PRKCH: variants seen among roughly 807,000 people sequenced by gnomAD.
The protein encoded by PRKCH is protein kinase C eta, also known as protein kinase C eta type.
Under a neutral mutation model 82.5 loss-of-function variants are expected in PRKCH, and 28 were observed. The observed-to-expected ratio is 0.34, with a 90% CI of 0.25 to 0.47. The LOEUF is 0.47. PRKCH is among the 20% of genes least tolerant of loss of function. PRKCH has a pLI of 1.00. For missense variants in PRKCH, 705 were observed against 881.8 expected (o/e 0.80, Z 2.54); for synonymous variants, 322 against 327.4 (o/e 0.98, Z 0.18).
chr14:61,516,783 T>C (rs781386197), intron 10 of PRKCH, among the ~76,000 whole-genome samples: 11 of 152,194 alleles, frequency 7.2e-5, no homozygotes, highest in Admixed American at 6.5e-4. Flanking sequence ...TAGCCCGTGA[T>C]TGACATTCTA....
chr14:61,280,873 CA>C lies in PRKCH; in HGVS notation c.-19+93206del. ...CAGCGAGAAGTACCAGGCGCACGAG[CA>C]GGGGGGCGGCAGCGCCCGGCCCTGG... On this transcript the variant is annotated intron_variant, in intron 1 of 3. Transcript: ENST00000555185. This position sits in a 1 kb window ranked among gnomAD's most constrained non-coding sequence, Gnocchi z 5.0. 1.9e-6 allele frequency: 3 copies of C among 1,565,384 alleles called. No individual in the cohort carries two copies. The highest frequency in any genetic ancestry group is 2.6e-6 in the Non-Finnish European group (3 of 1,163,464).
intron 1 of PRKCH, chr14:61,278,132 C>T (rs1173702601): frequency 6.6e-6 from 1 of 151,928 alleles, no homozygotes; most frequent in Non-Finnish European, 1.5e-5. Flanking sequence ...CTAAAAATAA[C>T]AAAATACATG....
chr14:61,340,190 G>A (rs2025526), intron 1 of PRKCH, among the ~76,000 whole-genome samples: 83,409 of 151,724 alleles, frequency 0.55, 28,191 homozygotes, highest in Non-Finnish European at 0.74. Context: ...CTGCGCTGGC[G>A]AAGCCCAGGA....
chr14:61,496,723 G>A (rs1886682745), intron 10 of PRKCH, among the ~76,000 whole-genome samples: 1 of 152,170 alleles, frequency 6.6e-6, no homozygotes, highest in Non-Finnish European at 1.5e-5. Flanking sequence ...GGAGAGTTAG[G>A]TGTTCTTAGG....
At chr14:61,491,185 A>G (rs191620888) in intron 10 of PRKCH, among the ~76,000 whole-genome samples, 3 of 152,284 alleles carry the variant, frequency 2.0e-5, no homozygotes, top group Non-Finnish European at 1.5e-5. Flanking sequence ...TCAGTTCTGT[A>G]TTTATATTCA....
chr14:61,253,572 A>G (rs1323607111), intron 1 of PRKCH, among the ~76,000 whole-genome samples: 1 of 152,222 alleles, frequency 6.6e-6, no homozygotes, highest in Non-Finnish European at 1.5e-5. Flanking sequence ...TGCACACAGC[A>G]TATATCCTGA....
At position 61,452,896 on chromosome 14, in the gene PRKCH, C is replaced by T. The variant is rs149787012; in HGVS notation, c.833-330C>T. The T allele has an allele frequency of 5.6e-4, 159 of 285,586 alleles. 4 individuals are homozygous for T. The East Asian group carries it at 0.012, about 21-fold the overall frequency. The allele number at this position is 285,586 out of a possible 1,614,324, so 17.7% of individuals were successfully genotyped here. A position where few individuals can be genotyped will look rare whatever the true frequency, so the allele number is the denominator to read the frequency against. Reference sequence around the variant, plus strand: ...TTTAATTGCCTGTGAATTGCCGCTACGATAAAGGTTTTAATCTTAGATCAT... The same window carrying T: ...TTTAATTGCCTGTGAATTGCCGCTATGATAAAGGTTTTAATCTTAGATCAT... On this transcript the variant is annotated intron_variant, in intron 6 of 13. Coordinates refer to ENST00000332981, the MANE Select transcript of PRKCH (RefSeq NM_006255.5).
chr14:61,308,127 A>C (rs1009446715), intron 1 of PRKCH, among the ~76,000 whole-genome samples: 1 of 152,220 alleles, frequency 6.6e-6, no homozygotes, highest in Admixed American at 6.5e-5. Context: ...GGCATGAGCC[A>C]CTGTGTCTGG....
intron 10 of PRKCH, among the ~76,000 whole-genome samples, chr14:61,502,780 TA>T (rs1413611293): frequency 6.6e-6 from 1 of 151,958 alleles, no homozygotes; most frequent in African/African-American, 2.4e-5. Flanking sequence ...CAAGAGGGGG[TA>T]TTCAGTCTTT....
At chr14:61,400,444 T>C (rs955154666) in intron 2 of PRKCH, among the ~76,000 whole-genome samples, 1 of 152,222 alleles carries the variant, frequency 6.6e-6, no homozygotes, top group African/African-American at 2.4e-5. Context: ...TTGTGTTTGT[T>C]TTTTGCTGGT....
chr14:61,245,690 C>A (rs1006319651), intron 1 of PRKCH, among the ~76,000 whole-genome samples: 2 of 101,180 alleles, frequency 2.0e-5, no homozygotes, highest in African/African-American at 3.2e-5. Flanking sequence ...ACAGAGTAGG[C>A]CGCAGAAGGA....
intron 1 of PRKCH, among the ~76,000 whole-genome samples, chr14:61,350,097 G>A (rs973311031): frequency 6.6e-6 from 1 of 152,092 alleles, no homozygotes; most frequent in East Asian, 1.9e-4. Flanking sequence ...ATGTGGAGCT[G>A]GGAAAATAAC....
chr14:61,496,750 C>G (rs888504773), intron 10 of PRKCH, among the ~76,000 whole-genome samples: 2 of 152,150 alleles, frequency 1.3e-5, no homozygotes, highest in Non-Finnish European at 2.9e-5. Flanking sequence ...TGGAATTGAC[C>G]AAGGCCTCAA....
intron 10 of PRKCH, among the ~76,000 whole-genome samples, chr14:61,502,220 C>T (rs940365390): frequency 6.6e-6 from 1 of 151,900 alleles, no homozygotes; most frequent in African/African-American, 2.4e-5. Context: ...CATGCCACCA[C>T]ACCCGGCTAA....
intron 9 of PRKCH, among the ~76,000 whole-genome samples, chr14:61,474,358 T>A (rs564134196): frequency 5.9e-5 from 9 of 152,348 alleles, no homozygotes; most frequent in African/African-American, 2.2e-4. Context: ...TTCCCCTTCC[T>A]GTTAGAGCTC....
chr14:61,266,947 G>A (rs769881196), intron 1 of PRKCH, among the ~76,000 whole-genome samples: 1 of 152,072 alleles, frequency 6.6e-6, no homozygotes, highest in South Asian at 2.1e-4. Flanking sequence ...GGGTGGGATG[G>A]TAGAGGGTGG....
intron 1 of PRKCH, among the ~76,000 whole-genome samples, chr14:61,290,356 T>G (rs1243077917): frequency 2.0e-5 from 3 of 151,702 alleles, no homozygotes; most frequent in Non-Finnish European, 4.4e-5. Flanking sequence ...GATGTGAAAC[T>G]GGGGAAAAAT....
chr14:61,188,774 C>T (rs1260697464), intron 1 of PRKCH, among the ~76,000 whole-genome samples: 2 of 147,878 alleles, frequency 1.4e-5, no homozygotes, highest in Non-Finnish European at 3.0e-5. Context: ...GGCTGGAGTG[C>T]AGTGGCAGCA....
At chr14:61,318,006 T>C (rs1419389987), upstream of PRKCH, among the ~76,000 whole-genome samples, 4 of 152,146 alleles carry the variant, frequency 2.6e-5, no homozygotes, top group Non-Finnish European at 5.9e-5. Flanking sequence ...TTGATAAGTT[T>C]TGAATTGAGC....
Sources: allele counts gnomAD v4.1 joint callset (sites outside exome capture counted in the v4.1 genomes callset), GRCh38; gene constraint gnomAD v4.1.1; non-coding constraint Gnocchi (gnomAD v3.1); transcripts MANE v1.5; gene names NCBI Gene and HGNC (gene_info 2026-07-23, HGNC 2026-07-21).